The following TASP1 variants were observed in gnomAD, a reference collection of about 807,000 sequenced individuals.
TASP1 encodes the protein taspase 1.
In TASP1, 16 loss-of-function variants were observed where a neutral mutation model predicts 56.6. That is an observed-to-expected ratio of 0.28 (90% CI 0.19 to 0.43). The LOEUF is 0.43. Among genes scored for constraint, TASP1 ranks in the 20% least tolerant of loss-of-function variants. The probability of loss-of-function intolerance (pLI) is 1.00; values close to 1 mark genes in which losing one functional copy is unlikely to be tolerated. For missense variants in TASP1, 393 were observed against 511.6 expected (o/e 0.77, Z 2.24); for synonymous variants, 179 against 184.2 (o/e 0.97, Z 0.23).
the TASP1 span, among the ~76,000 whole-genome samples, chr20:13,151,394 C>T: frequency 1.3e-5 from 2 of 152,322 alleles, no homozygotes; most frequent in South Asian, 2.1e-4. Context: ...GGGTCAAGGG[C>T]ATGCTCCATT....
At chr20:13,520,033 G>C (rs936733320) in intron 10 of TASP1, among the ~76,000 whole-genome samples, 50 of 152,250 alleles carry the variant, frequency 3.3e-4, no homozygotes, top group Middle Eastern at 3.4e-3. Context: ...TTGCTTCAAA[G>C]AGAATAAAAT....
At chr20:13,565,082 A>C (rs929588757) in intron 7 of TASP1, among the ~76,000 whole-genome samples, 1 of 152,166 alleles carries the variant, frequency 6.6e-6, no homozygotes, top group Admixed American at 6.5e-5. Flanking sequence ...AAAGAGTTCA[A>C]AAATAAACTC....
chr20:13,246,305 C>G, the TASP1 span, among the ~76,000 whole-genome samples: 4 of 151,438 alleles, frequency 2.6e-5, no homozygotes, highest in African/African-American at 9.7e-5. Flanking sequence ...TGTGAACTGT[C>G]GAGGTAGAAA....
At chr20:13,216,428 C>T in the TASP1 span, among the ~76,000 whole-genome samples, 1 of 152,172 alleles carries the variant, frequency 6.6e-6, no homozygotes, top group African/African-American at 2.4e-5. Context: ...TCATGTGGTC[C>T]AGCTGCCTAG....
At chr20:13,430,550 A>AC (rs2042770806) in intron 12 of TASP1, among the ~76,000 whole-genome samples, 1 of 152,158 alleles carries the variant, frequency 6.6e-6, no homozygotes, top group Non-Finnish European at 1.5e-5. Context: ...AGTTGGTCTC[A>AC]CCCAGAGGGA....
chr20:13,144,418 T>C, the TASP1 span, among the ~76,000 whole-genome samples: 2 of 152,170 alleles, frequency 1.3e-5, no homozygotes, highest in Non-Finnish European at 2.9e-5. Context: ...GAGAAATAGA[T>C]GTAGTAGCTA....
intron 13 of TASP1, among the ~76,000 whole-genome samples, chr20:13,397,076 G>C (rs1398801971): frequency 6.6e-6 from 1 of 152,192 alleles, no homozygotes; most frequent in Non-Finnish European, 1.5e-5. Flanking sequence ...GCCCAGTGAA[G>C]ATACTCACAT....
At chr20:13,423,325 C>T (rs898055351) in intron 12 of TASP1, among the ~76,000 whole-genome samples, 1 of 152,158 alleles carries the variant, frequency 6.6e-6, no homozygotes, top group Non-Finnish European at 1.5e-5. Context: ...TTACTACACA[C>T]ATCTATTTAT....
the TASP1 span, among the ~76,000 whole-genome samples, chr20:13,296,758 A>C: frequency 6.6e-6 from 1 of 152,118 alleles, no homozygotes; most frequent in Non-Finnish European, 1.5e-5. Flanking sequence ...GGTGGCTTAC[A>C]CCTGTAATCC....
intron 11 of TASP1, among the ~76,000 whole-genome samples, chr20:13,446,307 A>G (rs1054971730): frequency 7.9e-5 from 12 of 152,234 alleles, no homozygotes; most frequent in African/African-American, 2.6e-4. Context: ...ATGACCAGGT[A>G]TGTTCATCAT....
At chr20:13,246,476 C>G in the TASP1 span, among the ~76,000 whole-genome samples, 1 of 152,158 alleles carries the variant, frequency 6.6e-6, no homozygotes, top group East Asian at 1.9e-4. Context: ...GCTTACTCCT[C>G]TGTTATACCC....
the TASP1 span, chr20:13,237,911 C>G: frequency 1.3e-5 from 2 of 152,152 alleles, no homozygotes; most frequent in Non-Finnish European, 2.9e-5. Flanking sequence ...TCCTCTGCCT[C>G]AGGTCCCAGT....
chr20:13,199,194 C>A, the TASP1 span, among the ~76,000 whole-genome samples: 5 of 152,060 alleles, frequency 3.3e-5, no homozygotes, highest in Non-Finnish European at 5.9e-5. Flanking sequence ...TAAGCCACCA[C>A]ATTTGGCCCT....
At chr20:13,192,691 G>A in the TASP1 span, among the ~76,000 whole-genome samples, 9 of 151,780 alleles carry the variant, frequency 5.9e-5, no homozygotes, top group Middle Eastern at 0.01. Flanking sequence ...GCACCACCAC[G>A]CTTGATTCAT....
At chr20:13,268,671 C>G in the TASP1 span, among the ~76,000 whole-genome samples, 1 of 152,192 alleles carries the variant, frequency 6.6e-6, no homozygotes, top group East Asian at 1.9e-4. Context: ...TCCACCCTCC[C>G]CTTGGCTTCT....
At chr20:13,393,471 G>T in intron 13 of TASP1, 1 of 794,012 alleles carries the variant, frequency 1.3e-6, no homozygotes, top group Non-Finnish European at 2.2e-6. Flanking sequence ...GCAGGTGTCA[G>T]AGGGCCCCCT....
rs112137023 is a variant in TASP1, at chr20:13,590,678, C to T, written c.283-3308G>A. On this transcript the variant is annotated intron_variant, in intron 4 of 13. Transcript: ENST00000337743. ...GTCAGGCATTCGAGACCAGCCTGGC[C>T]AACATGGTGAAACCCCATCTCTACT... Among the ~76,000 whole-genome samples, 867 of 151,968 alleles carry T rather than the reference C, an allele frequency of 5.7e-3. 8 individuals are homozygous for T. The highest frequency in any genetic ancestry group is 0.019 in the African/African-American group (767 of 41,398).
At chr20:13,598,182 T>C (rs1313491708) in intron 4 of TASP1, among the ~76,000 whole-genome samples, 2 of 152,172 alleles carry the variant, frequency 1.3e-5, no homozygotes, top group Non-Finnish European at 2.9e-5. Context: ...GAAAAACTAC[T>C]TTAAAGTTCA....
chr20:13,502,351 T>C (rs764204117), intron 10 of TASP1, among the ~76,000 whole-genome samples: 3 of 152,090 alleles, frequency 2.0e-5, no homozygotes, highest in Non-Finnish European at 2.9e-5. Context: ...CTCTGGCCTA[T>C]AGTCACACAA....
Sources: gnomAD v4.1 joint callset for allele counts (sites outside exome capture counted in the v4.1 genomes callset) on GRCh38, gnomAD v4.1.1 for gene constraint, MANE v1.5 for transcripts, NCBI Gene and HGNC (gene_info 2026-07-23, HGNC 2026-07-21) for gene names.